CDS1: variants seen among roughly 807,000 people sequenced by gnomAD.
CDS1 encodes phosphatidate cytidylyltransferase 1.
Under a neutral mutation model 62.1 loss-of-function variants are expected in CDS1, and 41 were observed. The observed-to-expected ratio is 0.66, with a 90% CI of 0.51 to 0.86. The LOEUF is 0.86. Ranked by LOEUF, CDS1 falls within the 40% of genes least tolerant of loss-of-function variation. The probability of loss-of-function intolerance (pLI) is 0.00; values close to 1 mark genes in which losing one functional copy is unlikely to be tolerated. For synonymous variants in CDS1, 185 were observed against 192.6 expected (o/e 0.96, Z 0.32); for missense variants, 470 against 550.1 (o/e 0.85, Z 1.46).
At chr4:84,591,413 T>C (rs1417037194) in intron 1 of CDS1, among the ~76,000 whole-genome samples, 1 of 152,226 alleles carries the variant, frequency 6.6e-6, no homozygotes, top group Non-Finnish European at 1.5e-5. Flanking sequence ...TGAGTGCCTA[T>C]TATAAGCAAG....
chr4:84,583,156 G>T lies in CDS1; in HGVS notation c.-246G>T. The T allele has an allele frequency of 2.3e-6, 1 of 437,094 alleles. No homozygotes were observed. The highest frequency in any genetic ancestry group is 4.1e-6 in the Non-Finnish European group (1 of 246,206). 27.1% of individuals were successfully genotyped at this position (437,094 alleles called of 1,614,324 possible). A position where few individuals can be genotyped will look rare whatever the true frequency, so the allele number is the denominator to read the frequency against. On this transcript the variant is annotated 5_prime_UTR_variant, in exon 1 of 13. Transcript: ENST00000295887. ...TCTCTGCTCGCGCCTGGCGCCCGGA[G>T]CCTGCCCGGGACCTCCGCCGGAGCC...
In CDS1 at chr4:84,606,801, C is replaced by T. The variant is rs1371635189; in HGVS notation, c.245+2431C>T. On this transcript the variant is annotated intron_variant, in intron 2 of 12. Transcript: ENST00000295887. ...GCTCAAGCAATCCTCCCACCTCAGCCACCCAGGTAACTGGGACTACAGGCA... is the reference window on the plus strand; with the variant it reads ...GCTCAAGCAATCCTCCCACCTCAGCTACCCAGGTAACTGGGACTACAGGCA... Among the ~76,000 whole-genome samples, 5 of 152,148 alleles carry T rather than the reference C, an allele frequency of 3.3e-5. No homozygotes were observed. The South Asian group carries it at 1.0e-3, about 32-fold the overall frequency.
intron 6 of CDS1, among the ~76,000 whole-genome samples, chr4:84,632,611 G>A (rs139015149): frequency 2.7e-3 from 414 of 152,204 alleles, no homozygotes; most frequent in African/African-American, 9.4e-3. Context: ...TGAGCATGAA[G>A]AGTAAAATTC....
chr4:84,610,676 T>A (rs959108800), intron 3 of CDS1, among the ~76,000 whole-genome samples: 1 of 152,210 alleles, frequency 6.6e-6, no homozygotes, highest in Non-Finnish European at 1.5e-5. Flanking sequence ...TGGTCAGTGA[T>A]AGACAACTAT....
At chr4:84,599,403 CACATATATATATATATATAT>C (rs1378451665) in intron 1 of CDS1, among the ~76,000 whole-genome samples, 13 of 17,230 alleles carry the variant, frequency 7.5e-4, no homozygotes, top group South Asian at 2.9e-3. Context: ...GACACACACA[CACATATATATATATATATAT>C]ATATATATAT....
chr4:84,589,965 C>T (rs1051416905), intron 1 of CDS1, among the ~76,000 whole-genome samples: 1 of 152,206 alleles, frequency 6.6e-6, no homozygotes, highest in Admixed American at 6.5e-5. Flanking sequence ...CACCCGCCAC[C>T]ACGCCTGGCT....
At chr4:84,603,587 T>C (rs936617856) in intron 1 of CDS1, among the ~76,000 whole-genome samples, 1 of 152,184 alleles carries the variant, frequency 6.6e-6, no homozygotes, top group Non-Finnish European at 1.5e-5. Context: ...ACCACCTTTG[T>C]TGAAAGGCCT....
chr4:84,598,974 A>T (rs1466692836), intron 1 of CDS1, among the ~76,000 whole-genome samples: 1 of 152,126 alleles, frequency 6.6e-6, no homozygotes, highest in Non-Finnish European at 1.5e-5. Context: ...ACTGCTCTTT[A>T]AGAGTCCCCA....
intron 5 of CDS1, among the ~76,000 whole-genome samples, chr4:84,622,730 C>T (rs1723729058): frequency 1.3e-5 from 2 of 152,274 alleles, no homozygotes; most frequent in South Asian, 2.1e-4. Context: ...TGCACCCCAC[C>T]GCTTTGAGAG....
chr4:84,627,746 A>G (rs1477645657), intron 5 of CDS1, among the ~76,000 whole-genome samples: 1 of 152,210 alleles, frequency 6.6e-6, no homozygotes, highest in Non-Finnish European at 1.5e-5. Flanking sequence ...GTTATAGCCA[A>G]AATTAATGCA....
chr4:84,636,585 C>T (rs892897643), intron 8 of CDS1, among the ~76,000 whole-genome samples: 4 of 152,064 alleles, frequency 2.6e-5, no homozygotes, highest in South Asian at 4.2e-4. Flanking sequence ...AGTGCAGTGG[C>T]GCAATCTGGG....
At chr4:84,601,328 G>A (rs1722930234) in intron 1 of CDS1, among the ~76,000 whole-genome samples, 1 of 152,182 alleles carries the variant, frequency 6.6e-6, no homozygotes, top group African/African-American at 2.4e-5. Flanking sequence ...TGGATTGGCA[G>A]TAGTATCTTC....
In CDS1 at chr4:84,618,792, G is replaced by A. The variant is rs190219117; in HGVS notation, c.441-602G>A. Among the ~76,000 whole-genome samples the A allele has an allele frequency of 1.2e-3, 184 of 152,166 alleles. 2 individuals are homozygous for A. The highest frequency in any genetic ancestry group is 2.1e-3 in the Non-Finnish European group (146 of 67,980). On this transcript the variant is annotated intron_variant, in intron 4 of 12. Coordinates refer to ENST00000295887, the MANE Select transcript of CDS1 (RefSeq NM_001263.4). Reference sequence around the variant, plus strand: ...AGAGGGGAGATACCAGTGTGTGCAGGGCAGTGGGGAGACAGGTTGAATTAC... The same window carrying A: ...AGAGGGGAGATACCAGTGTGTGCAGAGCAGTGGGGAGACAGGTTGAATTAC...
At position 84,613,583 on chromosome 4, in the gene CDS1, C is replaced by T. The variant is rs562747432; in HGVS notation, c.343-3981C>T. Among the ~76,000 whole-genome samples the T allele has an allele frequency of 2.6e-5, 4 of 152,294 alleles. No individual in the cohort carries two copies. The South Asian group carries it at 8.3e-4, about 32-fold the overall frequency. ...CGAGATCGCGCCACTGCACTCCAGCCTGGGCGACAGAGTGAGACTTTGTCT... is the reference window on the plus strand; with the variant it reads ...CGAGATCGCGCCACTGCACTCCAGCTTGGGCGACAGAGTGAGACTTTGTCT... On this transcript the variant is annotated intron_variant, in intron 3 of 12. Coordinates refer to ENST00000295887, the MANE Select transcript of CDS1 (RefSeq NM_001263.4).
At chr4:84,591,753 C>T (rs1722597177) in intron 1 of CDS1, among the ~76,000 whole-genome samples, 2 of 152,052 alleles carry the variant, frequency 1.3e-5, no homozygotes, top group African/African-American at 4.8e-5. Context: ...CCAGGATTTA[C>T]CTTAAATTTT....
chr4:84,622,938 T>C (rs1723736348), intron 5 of CDS1, among the ~76,000 whole-genome samples: 1 of 152,180 alleles, frequency 6.6e-6, no homozygotes, highest in Admixed American at 6.5e-5. Flanking sequence ...TTTACAACTT[T>C]TTGTTTTTCC....
chr4:84,590,985 A>G (rs1049743025), intron 1 of CDS1, among the ~76,000 whole-genome samples: 1 of 152,156 alleles, frequency 6.6e-6, no homozygotes, highest in African/African-American at 2.4e-5. Context: ...ACACATTTTA[A>G]ATGCCTCTCG....
At chr4:84,610,529 C>T (rs186695242) in intron 3 of CDS1, among the ~76,000 whole-genome samples, 56 of 152,222 alleles carry the variant, frequency 3.7e-4, no homozygotes, top group Non-Finnish European at 6.2e-4. Flanking sequence ...CTGCTATATG[C>T]CAGGCATTAC....
intron 1 of CDS1, among the ~76,000 whole-genome samples, chr4:84,592,359 G>A (rs924438531): frequency 2.0e-5 from 3 of 151,826 alleles, no homozygotes; most frequent in African/African-American, 7.3e-5. Flanking sequence ...TTTTAGTAGA[G>A]ATGGGGTTTC....
Sources: allele counts gnomAD v4.1 joint callset (sites outside exome capture counted in the v4.1 genomes callset), GRCh38; gene constraint gnomAD v4.1.1; transcripts MANE v1.5; gene names NCBI Gene and HGNC (gene_info 2026-07-23, HGNC 2026-07-21).